RERE: variants seen among roughly 807,000 people sequenced by gnomAD.
RERE encodes the protein arginine-glutamic acid dipeptide repeats protein.
RERE carries 40 observed loss-of-function variants against 146.1 expected under a neutral mutation model. The observed-to-expected ratio is 0.27, with a 90% CI of 0.21 to 0.36. The LOEUF is 0.36. Ranked by LOEUF, RERE falls within the 10% of genes least tolerant of loss-of-function variation. The probability of loss-of-function intolerance (pLI) is 1.00; values close to 1 mark genes in which losing one functional copy is unlikely to be tolerated. For missense variants in RERE, 1,933 were observed against 2,138.7 expected (o/e 0.90, Z 1.90); for synonymous variants, 1,003 against 866.0 (o/e 1.16, Z -2.78).
chr1:8,680,946 A>G (rs1322045675), intron 1 of RERE, among the ~76,000 whole-genome samples: 1 of 152,196 alleles, frequency 6.6e-6, no homozygotes, highest in Non-Finnish European at 1.5e-5. Flanking sequence ...TGCAAAAATA[A>G]AAATTACCAA....
At chr1:8,813,637 CAG>C (rs1641856962) in intron 1 of RERE, among the ~76,000 whole-genome samples, 2 of 125,314 alleles carry the variant, frequency 1.6e-5, no homozygotes, top group South Asian at 2.4e-4. Context: ...TTTTTTTAGA[CAG>C]AGTCTCGCTG....
At chr1:8,547,088 A>T (rs1323684089) in intron 6 of RERE, among the ~76,000 whole-genome samples, 1 of 150,010 alleles carries the variant, frequency 6.7e-6, no homozygotes, top group Non-Finnish European at 1.5e-5. Context: ...CTTTTTTTTT[A>T]AAAAAAAAAA....
At chr1:8,451,928 A>G (rs563370798) in intron 11 of RERE, among the ~76,000 whole-genome samples, 3 of 152,310 alleles carry the variant, frequency 2.0e-5, no homozygotes, top group East Asian at 3.9e-4. Context: ...TCAAAAATAT[A>G]TAATTTTTCC....
At chr1:8,790,448 T>C (rs1641344086) in intron 1 of RERE, among the ~76,000 whole-genome samples, 1 of 152,188 alleles carries the variant, frequency 6.6e-6, no homozygotes, top group African/African-American at 2.4e-5. Flanking sequence ...ATGAAGGTAA[T>C]AGGTATAACC....
chr1:8,522,883 A>C (rs1645521625), intron 7 of RERE, among the ~76,000 whole-genome samples: 1 of 151,972 alleles, frequency 6.6e-6, no homozygotes, highest in Admixed American at 6.6e-5. Flanking sequence ...CAAAAAAAAA[A>C]AAAGAATGAA....
At chr1:8,707,839 G>A (rs756471761) in intron 1 of RERE, among the ~76,000 whole-genome samples, 2 of 152,256 alleles carry the variant, frequency 1.3e-5, no homozygotes, top group South Asian at 2.1e-4. Context: ...CCACAGTTTC[G>A]CTTTCCAAGG....
chr1:8,670,084 C>T (rs912144551), intron 1 of RERE, among the ~76,000 whole-genome samples: 1 of 152,166 alleles, frequency 6.6e-6, no homozygotes, highest in Non-Finnish European at 1.5e-5. Context: ...AGTCAAAATT[C>T]AATTTGCTGT....
At chr1:8,434,026 T>A (rs1644133849) in intron 11 of RERE, among the ~76,000 whole-genome samples, 1 of 152,204 alleles carries the variant, frequency 6.6e-6, no homozygotes, top group Admixed American at 6.5e-5. Flanking sequence ...GGAAGGTAGA[T>A]CTAATATAAT....
intron 1 of RERE, among the ~76,000 whole-genome samples, chr1:8,688,031 T>C (rs1178101988): frequency 6.6e-6 from 1 of 152,216 alleles, no homozygotes; most frequent in African/African-American, 2.4e-5. Flanking sequence ...TGAACACAGA[T>C]GGTCCCCAAC....
intron 1 of RERE, among the ~76,000 whole-genome samples, chr1:8,758,586 G>A (rs1048859760): frequency 8.6e-5 from 13 of 151,378 alleles, no homozygotes; most frequent in East Asian, 1.9e-4. Flanking sequence ...TTGTAGTGAC[G>A]AGGTCTCGCC....
intron 1 of RERE, among the ~76,000 whole-genome samples, chr1:8,748,389 T>C (rs1640466304): frequency 6.6e-6 from 1 of 152,174 alleles, no homozygotes. Context: ...CTATCTTAGT[T>C]CAGAGCTTCC....
At chr1:8,657,045 G>A (rs1570573008) in intron 1 of RERE, among the ~76,000 whole-genome samples, 1 of 152,238 alleles carries the variant, frequency 6.6e-6, no homozygotes, top group South Asian at 2.1e-4. Flanking sequence ...GCTCACGCCT[G>A]TAATCCCAGC....
At chr1:8,551,099 C>T (rs893932177) in intron 6 of RERE, among the ~76,000 whole-genome samples, 1 of 152,196 alleles carries the variant, frequency 6.6e-6, no homozygotes, top group Non-Finnish European at 1.5e-5. Context: ...AAAATGACAG[C>T]CTATAACCTG....
chr1:8,601,855 T>C (rs1012070469), intron 4 of RERE, among the ~76,000 whole-genome samples: 1 of 151,958 alleles, frequency 6.6e-6, no homozygotes, highest in Admixed American at 6.6e-5. Context: ...TCCTTCTGCC[T>C]TTCCATCCAA....
At chr1:8,498,928 G>C (rs1645090243) in intron 8 of RERE, among the ~76,000 whole-genome samples, 1 of 152,002 alleles carries the variant, frequency 6.6e-6, no homozygotes, top group Admixed American at 6.6e-5. Flanking sequence ...GCATACATAA[G>C]ATACGAACAA....
chr1:8,724,479 A>C (rs1270169896), intron 1 of RERE, among the ~76,000 whole-genome samples: 2 of 152,240 alleles, frequency 1.3e-5, no homozygotes, highest in African/African-American at 2.4e-5. Flanking sequence ...TCTGAGAATT[A>C]AGCAAATATC....
At position 8,482,725 on chromosome 1, in the gene RERE, G is replaced by A. The variant is rs923623527; in HGVS notation, c.1104+12338C>T. 2.2e-5 allele frequency among the ~76,000 whole-genome samples: 3 copies of A among 139,258 alleles called. No individual in the cohort carries two copies. In the East Asian group the frequency reaches 6.8e-4, roughly 31 times the overall value. 91.4% of individuals were successfully genotyped at this position (139,258 alleles called of 152,430 possible). On this transcript the variant is annotated intron_variant, in intron 10 of 22. Transcript: ENST00000400908. Reference sequence around the variant, plus strand: ...AAAAAAAAGACAAAAATTAAATCACGCAATTTGTGTTAAAATGTTGTTACA... The same window carrying A: ...AAAAAAAAGACAAAAATTAAATCACACAATTTGTGTTAAAATGTTGTTACA...
intron 11 of RERE, among the ~76,000 whole-genome samples, chr1:8,461,939 G>GA (rs1423037915): frequency 7.9e-5 from 12 of 152,150 alleles, no homozygotes; most frequent in African/African-American, 2.7e-4. Flanking sequence ...CTAACCCCTG[G>GA]ACTCAAGCGA....
At chr1:8,713,764 T>C (rs191631654) in intron 1 of RERE, among the ~76,000 whole-genome samples, 2 of 152,148 alleles carry the variant, frequency 1.3e-5, no homozygotes, top group Admixed American at 6.6e-5. Context: ...ATAATAATAA[T>C]AGTAATTGCA....
Sources: allele counts gnomAD v4.1 joint callset (sites outside exome capture counted in the v4.1 genomes callset), GRCh38; gene constraint gnomAD v4.1.1; transcripts MANE v1.5; gene names NCBI Gene and HGNC (gene_info 2026-07-23, HGNC 2026-07-21).